SMC5: variants seen among roughly 807,000 people sequenced by gnomAD.
The protein encoded by SMC5 is structural maintenance of chromosomes 5.
SMC5 carries 88 observed loss-of-function variants against 148.3 expected under a neutral mutation model. The observed-to-expected ratio is 0.59, with a 90% confidence interval of 0.50 to 0.71. SMC5 has a LOEUF of 0.71. Among genes scored for constraint, SMC5 ranks in the 30% least tolerant of loss-of-function variants. SMC5 has a pLI of 0.00. For synonymous variants in SMC5, 421 were observed against 432.8 expected, an observed-to-expected ratio of 0.97 and a Z score of 0.34; for missense variants, 1,142 against 1,298.9, an observed-to-expected ratio of 0.88 and a Z score of 1.86.
At chr9:70,311,615 A>C (rs1207965120) in intron 11 of SMC5, 2 of 152,064 alleles carry the variant, frequency 1.3e-5, no homozygotes, top group African/African-American at 4.8e-5. Context: ...TTTTTAAACC[A>C]GTCAAATTTA....
At chr9:70,302,502 A>AATATAT (rs112307767) in intron 10 of SMC5, among the ~76,000 whole-genome samples, 3 of 149,452 alleles carry the variant, frequency 2.0e-5, no homozygotes, top group African/African-American at 4.9e-5. Flanking sequence ...AAGAAAAAAA[A>AATATAT]ATATATATAT....
chr9:70,272,439 G>T (rs1372719074), intron 3 of SMC5, among the ~76,000 whole-genome samples: 1 of 152,090 alleles, frequency 6.6e-6, no homozygotes, highest in Admixed American at 6.6e-5. Flanking sequence ...GGCAGAGCTG[G>T]GCACGGTGGC....
At chr9:70,299,656 A>AT (rs1011082743) in intron 9 of SMC5, among the ~76,000 whole-genome samples, 6 of 149,688 alleles carry the variant, frequency 4.0e-5, no homozygotes, top group Non-Finnish European at 6.0e-5. Context: ...TTATTTCATC[A>AT]TCCCCCCCCC....
At chr9:70,347,286 A>G (rs2036689262) in intron 20 of SMC5, 125 bp downstream of exon 20, 2 of 653,814 alleles carry the variant, frequency 3.1e-6, no homozygotes, top group Admixed American at 6.5e-5. Context: ...GCTCTTGGTA[A>G]TAATAAGCTA....
chr9:70,316,007 C>T (rs2035791458), intron 13 of SMC5, among the ~76,000 whole-genome samples: 1 of 151,870 alleles, frequency 6.6e-6, no homozygotes, highest in Non-Finnish European at 1.5e-5. Flanking sequence ...TTTGGTCAGC[C>T]TTCCTTTTAT....
chr9:70,273,354 A>G (rs1374155822), intron 3 of SMC5, among the ~76,000 whole-genome samples: 1 of 152,020 alleles, frequency 6.6e-6, no homozygotes, highest in Non-Finnish European at 1.5e-5. Context: ...TTTTATTGAC[A>G]TGAATACCAT....
chr9:70,277,467 C>A lies in SMC5; in HGVS notation c.538C>A (p.Pro180Thr). The A allele has an allele frequency of 6.3e-7, 1 of 1,584,792 alleles. No individual in the cohort carries two copies. Among genetic ancestry groups the A allele is most frequent in the Non-Finnish European group, 8.6e-7 (1 of 1,168,312 alleles). ...AGTGGGGAATCTTTGCCAGTTTCTC[C>A]CTCAGGTATGAGAGAAATAAATGTA... ...IQVGNLCQFL[P>T]QDKVGEFAKL... Residue 180 changes from proline (P) to threonine (T), a missense_variant, in exon 4 of 25, where the codon CCT (proline) becomes ACT (threonine). Coordinates refer to ENST00000361138, the MANE Select transcript of SMC5 (RefSeq NM_015110.4).
At chr9:70,307,269 A>G (rs2035529245) in intron 11 of SMC5, among the ~76,000 whole-genome samples, 2 of 151,316 alleles carry the variant, frequency 1.3e-5, no homozygotes, top group South Asian at 2.1e-4. Context: ...GGTGTGCACT[A>G]TTTTTTCTCT....
chr9:70,303,790 C>G (rs1164665112), intron 10 of SMC5, among the ~76,000 whole-genome samples: 1 of 152,170 alleles, frequency 6.6e-6, no homozygotes, highest in Non-Finnish European at 1.5e-5. Context: ...AGAGCCCAAG[C>G]TCTTAGCTAG....
At chr9:70,277,576 G>A (rs1318168241) in intron 4 of SMC5, 104 bp downstream of exon 4, 54 of 851,718 alleles carry the variant, frequency 6.3e-5, no homozygotes, top group Non-Finnish European at 7.9e-5. Flanking sequence ...ATTGAACATA[G>A]CACTCTTACA....
intron 17 of SMC5, among the ~76,000 whole-genome samples, chr9:70,328,696 G>A (rs1431513518): frequency 6.6e-6 from 1 of 152,202 alleles, no homozygotes; most frequent in African/African-American, 2.4e-5. Flanking sequence ...TCTGGAGGAC[G>A]GTGGCCCTCT....
intron 16 of SMC5, 35 bp from the exon 17 acceptor site, chr9:70,323,986 C>T (rs1245852629): frequency 6.8e-7 from 1 of 1,472,624 alleles, no homozygotes; most frequent in Non-Finnish European, 9.0e-7. Context: ...ACATAGGTAA[C>T]ATAAAAATTA....
chr9:70,276,666 C>T (rs1211195903), intron 3 of SMC5, among the ~76,000 whole-genome samples: 1 of 152,104 alleles, frequency 6.6e-6, no homozygotes, highest in Non-Finnish European at 1.5e-5. Context: ...TGCTGAATCC[C>T]AGTGAAGAAG....
Position 70,352,428 on chromosome 9 carries a change from C to T in SMC5, c.*97C>T, listed in dbSNP as rs1172402473. 4.6e-6 allele frequency: 6 copies of T among 1,314,436 alleles called. No individual in the cohort carries two copies. Among genetic ancestry groups the T allele is most frequent in the Non-Finnish European group, 6.2e-6 (6 of 970,382 alleles). The allele number at this position is 1,314,436 out of a possible 1,614,324, so 81.4% of individuals were successfully genotyped here. ...AAAGGAGATTCACTAAAACGAAAAG[C>T]AGTTATTTTTGGAAACCTGCTTTTA... On this transcript the variant is annotated 3_prime_UTR_variant, in exon 25 of 25. Transcript: ENST00000361138.
intron 17 of SMC5, among the ~76,000 whole-genome samples, chr9:70,336,651 A>G (rs2036364746): frequency 6.6e-6 from 1 of 152,174 alleles, no homozygotes; most frequent in South Asian, 2.1e-4. Flanking sequence ...CTACTTTTTC[A>G]TCTGTTCTAT....
chr9:70,295,705 G>A (rs368756807), intron 8 of SMC5, among the ~76,000 whole-genome samples: 77 of 152,222 alleles, frequency 5.1e-4, no homozygotes, highest in Middle Eastern at 6.8e-3. Context: ...GTAAGGGATC[G>A]TTGGGCTGCT....
At chr9:70,336,206 A>T (rs896733926) in intron 17 of SMC5, among the ~76,000 whole-genome samples, 12 of 151,722 alleles carry the variant, frequency 7.9e-5, no homozygotes, top group African/African-American at 2.4e-4. Flanking sequence ...ATTTTAGGAA[A>T]TGTAGACATA....
intron 3 of SMC5, among the ~76,000 whole-genome samples, chr9:70,276,453 AGTT>A (rs1432935789): frequency 6.6e-6 from 1 of 152,210 alleles, no homozygotes; most frequent in Non-Finnish European, 1.5e-5. Context: ...TATTATTTTT[AGTT>A]GTTTACAGCA....
intron 17 of SMC5, among the ~76,000 whole-genome samples, chr9:70,339,222 G>T (rs1262423933): frequency 1.3e-5 from 2 of 152,140 alleles, no homozygotes; most frequent in Non-Finnish European, 2.9e-5. Context: ...GAGGTCGGGA[G>T]ATCGAGACCA....
Sources: allele counts gnomAD v4.1 joint callset (sites outside exome capture counted in the v4.1 genomes callset), GRCh38; gene constraint gnomAD v4.1.1; transcripts MANE v1.5; gene names NCBI Gene and HGNC (gene_info 2026-07-23, HGNC 2026-07-21).